The following RXFP1 variants were observed in gnomAD, a reference collection of about 807,000 sequenced individuals.
The protein encoded by RXFP1 is relaxin family peptide receptor 1, also known as relaxin receptor 1.
Under a neutral mutation model 89.8 loss-of-function variants are expected in RXFP1, and 73 were observed. The ratio of observed to expected loss-of-function variants is 0.81; its 90% CI spans 0.67 to 0.99. The LOEUF is 0.99. RXFP1 is among the 50% of genes least tolerant of loss of function. The probability of loss-of-function intolerance (pLI) is 0.00; values close to 1 mark genes in which losing one functional copy is unlikely to be tolerated. For missense variants in RXFP1, 793 were observed against 895.5 expected (o/e 0.89, Z 1.46); for synonymous variants, 277 against 305.5 (o/e 0.91, Z 0.97).
At position 158,542,079 on chromosome 4, in the gene RXFP1, C is replaced by CCATATATATATA. The variant is rs56378897; in HGVS notation, c.49+20054_49+20055insCATATATATATA. Among the ~76,000 whole-genome samples the CCATATATATATA allele has an allele frequency of 4.6e-3, 137 of 29,748 alleles. 19 individuals are homozygous for CCATATATATATA. Among genetic ancestry groups the CCATATATATATA allele is most frequent in the African/African-American group, 7.7e-3 (82 of 10,688 alleles). The allele number at this position is 29,748 out of a possible 152,430, so 19.5% of individuals were successfully genotyped here. Reference sequence around the variant, plus strand: ...GGACTACAGGCAGGCGCCACCATGGCTATATATATATATATATATATATAT... The same window carrying CCATATATATATA: ...GGACTACAGGCAGGCGCCACCATGGCCATATATATATATATATATATATATATATATATATAT... On this transcript the variant is annotated intron_variant, in intron 1 of 17. Coordinates refer to ENST00000307765, the MANE Select transcript of RXFP1 (RefSeq NM_021634.4).
intron 1 of RXFP1, among the ~76,000 whole-genome samples, chr4:158,567,798 T>C (rs1753942009): frequency 6.6e-6 from 1 of 152,136 alleles, no homozygotes; most frequent in African/African-American, 2.4e-5. Flanking sequence ...ACCAATCGGC[T>C]CTCTGTAAAA....
At position 158,612,250 on chromosome 4, in the gene RXFP1, G is replaced by A. The variant is rs777306679; in HGVS notation, c.609-41G>A. On this transcript the variant is annotated intron_variant, in intron 7 of 17. Coordinates refer to ENST00000307765, the MANE Select transcript of RXFP1 (RefSeq NM_021634.4). ...TTATTGCACTAGTTTTTAGATTCTA[G>A]AGATATATAAATGAATTAATTTTTT... 1.4e-5 allele frequency: 23 copies of A among 1,602,784 alleles called. No individual in the cohort carries two copies. In the South Asian group the frequency reaches 2.4e-4, roughly 17 times the overall value.
At chr4:158,634,920 T>G (rs1768850395) in intron 12 of RXFP1, among the ~76,000 whole-genome samples, 1 of 152,234 alleles carries the variant, frequency 6.6e-6, no homozygotes. Flanking sequence ...ACCACACTGA[T>G]TGCTGTAGCT....
chr4:158,535,252 A>T (rs1238391856), intron 1 of RXFP1, among the ~76,000 whole-genome samples: 1 of 152,158 alleles, frequency 6.6e-6, no homozygotes, highest in Non-Finnish European at 1.5e-5. Context: ...ATGCTTGGAG[A>T]TGAAGTTAGA....
chr4:158,606,966 A>G, intron 5 of RXFP1: 4 of 1,019,770 alleles, frequency 3.9e-6, no homozygotes, highest in Non-Finnish European at 5.9e-6. Context: ...GTCAAAATTT[A>G]TAATTTAACT....
intron 1 of RXFP1, among the ~76,000 whole-genome samples, chr4:158,525,371 G>C (rs533344784): frequency 4.6e-5 from 7 of 152,138 alleles, no homozygotes; most frequent in Non-Finnish European, 8.8e-5. Context: ...CTTATATTGT[G>C]GAGGCTGCTG....
At position 158,562,523 on chromosome 4, in the gene RXFP1, CAAAAAAAAAAAAA is replaced by C. The variant is rs55944906; in HGVS notation, c.50-10159_50-10147del. On this transcript the variant is annotated intron_variant, in intron 1 of 17. Coordinates refer to ENST00000307765, the MANE Select transcript of RXFP1 (RefSeq NM_021634.4). ...TGGGCGACAGAGCGAGACTCCGTCT[CAAAAAAAAAAAAA>C]AAAAAAAAAAAAAAATACACATATT... 8.3e-4 allele frequency among the ~76,000 whole-genome samples: 21 copies of C among 25,344 alleles called. No homozygotes were observed. In the South Asian group the frequency reaches 0.051, roughly 61 times the overall value. The allele number at this position is 25,344 out of a possible 152,430, so 16.6% of individuals were successfully genotyped here. A position where few individuals can be genotyped will look rare whatever the true frequency, so the allele number is the denominator to read the frequency against.
At chr4:158,596,308 G>T (rs1382833531) in intron 3 of RXFP1, among the ~76,000 whole-genome samples, 9 of 141,508 alleles carry the variant, frequency 6.4e-5, no homozygotes, top group African/African-American at 2.3e-4. Flanking sequence ...TTGTTGCCCA[G>T]ACTGGAGTGC....
In RXFP1 at chr4:158,521,940, G is replaced by T; in HGVS notation, c.-37G>T. ...GATTCAGAAACCAAGACCAAATTTT[G>T]CTCACTTTCATTAATCAGTTGCTCA... On this transcript the variant is annotated 5_prime_UTR_variant, in exon 1 of 18. Coordinates refer to ENST00000307765, the MANE Select transcript of RXFP1 (RefSeq NM_021634.4). The T allele has an allele frequency of 6.6e-7, 1 of 1,519,874 alleles. No homozygotes were observed. The highest frequency in any genetic ancestry group is 9.1e-7 in the Non-Finnish European group (1 of 1,099,500). 94.1% of individuals were successfully genotyped at this position (1,519,874 alleles called of 1,614,324 possible).
chr4:158,589,541 G>A (rs941060895), intron 2 of RXFP1, among the ~76,000 whole-genome samples: 3 of 152,162 alleles, frequency 2.0e-5, no homozygotes, highest in Non-Finnish European at 4.4e-5. Flanking sequence ...AGGGCCTGAG[G>A]AGAGTTGGCA....
chr4:158,561,992 T>C (rs1752548058), intron 1 of RXFP1, among the ~76,000 whole-genome samples: 1 of 152,164 alleles, frequency 6.6e-6, no homozygotes, highest in Admixed American at 6.5e-5. Context: ...ATTTTAAATA[T>C]AGTAAATGTC....
At chr4:158,561,626 C>CTTTTTTT (rs70962615) in intron 1 of RXFP1, among the ~76,000 whole-genome samples, 181 of 112,382 alleles carry the variant, frequency 1.6e-3, no homozygotes, top group Non-Finnish European at 2.4e-3. Context: ...TTCTTTTTTT[C>CTTTTTTT]TTTTTTTTTT....
chr4:158,523,547 C>A (rs1741703920), intron 1 of RXFP1, among the ~76,000 whole-genome samples: 1 of 152,148 alleles, frequency 6.6e-6, no homozygotes, highest in Non-Finnish European at 1.5e-5. Context: ...TTAAATTTAA[C>A]TTCTCTTTTG....
rs761339675 is a variant in RXFP1, at chr4:158,617,222, T to C, written c.755+17T>C. The stretch of plus-strand genomic sequence containing the variant: ...ACATTGGCTGTAAGCGATTCTGTCT[T>C]TTTTTAAAGAACTCAACTAAATTTT... On this transcript the variant is annotated intron_variant, in intron 9 of 17. Coordinates refer to ENST00000307765, the MANE Select transcript of RXFP1 (RefSeq NM_021634.4). 1.9e-6 allele frequency: 3 copies of C among 1,573,988 alleles called. No homozygotes were observed. In the South Asian group the frequency reaches 3.5e-5, roughly 18 times the overall value.
At chr4:158,536,086 T>C (rs1359965121) in intron 1 of RXFP1, among the ~76,000 whole-genome samples, 1 of 152,246 alleles carries the variant, frequency 6.6e-6, no homozygotes, top group Non-Finnish European at 1.5e-5. Context: ...CTGTACTCTT[T>C]AATCAATCAG....
intron 6 of RXFP1, among the ~76,000 whole-genome samples, chr4:158,610,480 T>C (rs2150127075): frequency 6.6e-6 from 1 of 152,320 alleles, no homozygotes; most frequent in South Asian, 2.1e-4. Flanking sequence ...GCAGGACTCC[T>C]GTTCTCTAGA....
intron 1 of RXFP1, chr4:158,543,634 A>G: frequency 2.4e-6 from 1 of 409,562 alleles, no homozygotes; most frequent in African/African-American, 2.2e-5. Flanking sequence ...CCTCCCAGTC[A>G]GTATTTATAT....
At chr4:158,617,066 C>T in intron 8 of RXFP1, 65 bp from the exon 9 acceptor site, 2 of 1,040,988 alleles carry the variant, frequency 1.9e-6, no homozygotes, top group African/African-American at 1.6e-5. Context: ...ATAATAATAC[C>T]ATGTTTGACC....
intron 15 of RXFP1, 141 bp from the exon 16 acceptor site, chr4:158,646,650 T>A: frequency 7.0e-7 from 1 of 1,437,212 alleles, no homozygotes; most frequent in Non-Finnish European, 9.1e-7. Context: ...TGTAAATGAA[T>A]TATTAGGAGA....
Sources: allele counts gnomAD v4.1 joint callset (sites outside exome capture counted in the v4.1 genomes callset), GRCh38; gene constraint gnomAD v4.1.1; transcripts MANE v1.5; gene names NCBI Gene and HGNC (gene_info 2026-07-23, HGNC 2026-07-21).